Variants in ZCCHC7 observed in about 807,000 individuals in gnomAD.
ZCCHC7 encodes the protein zinc finger CCHC domain-containing protein 7.
In ZCCHC7, 35 loss-of-function variants were observed where a neutral mutation model predicts 52.0. The ratio of observed to expected loss-of-function variants is 0.67; its 90% CI spans 0.51 to 0.89. ZCCHC7 has a LOEUF of 0.89. Ranked by LOEUF, ZCCHC7 falls within the 40% of genes least tolerant of loss-of-function variation. The pLI, the probability that ZCCHC7 is intolerant of heterozygous loss-of-function variation, is 0.00. For synonymous variants in ZCCHC7, 217 were observed against 221.5 expected (o/e 0.98, Z 0.18); for missense variants, 574 against 649.1 (o/e 0.88, Z 1.26).
intron 2 of ZCCHC7, among the ~76,000 whole-genome samples, chr9:37,229,549 C>G (rs1349634819): frequency 6.6e-6 from 1 of 151,982 alleles, no homozygotes; most frequent in Non-Finnish European, 1.5e-5. Flanking sequence ...ATTTGTGTAT[C>G]TAAACATAGA....
At chr9:37,261,334 A>G (rs1025189385) in intron 2 of ZCCHC7, among the ~76,000 whole-genome samples, 2 of 152,216 alleles carry the variant, frequency 1.3e-5, no homozygotes, top group African/African-American at 4.8e-5. Flanking sequence ...AAAGACGTCA[A>G]AGTCAACACA....
At chr9:37,270,590 G>A (rs1827356010) in intron 2 of ZCCHC7, among the ~76,000 whole-genome samples, 1 of 151,704 alleles carries the variant, frequency 6.6e-6, no homozygotes, top group South Asian at 2.1e-4. Flanking sequence ...GCTGAGGCAG[G>A]AGAATCGCTT....
intron 2 of ZCCHC7, among the ~76,000 whole-genome samples, chr9:37,174,258 G>A (rs1821895919): frequency 1.3e-5 from 2 of 152,102 alleles, no homozygotes; most frequent in South Asian, 4.1e-4. Flanking sequence ...GCGGTGAGCT[G>A]AGATCACACC....
chr9:37,263,158 T>C (rs627183), intron 2 of ZCCHC7, among the ~76,000 whole-genome samples: 173 of 152,278 alleles, frequency 1.1e-3, no homozygotes, highest in African/African-American at 3.6e-3. Flanking sequence ...TCCTATTTCT[T>C]ATAAGCCCAT....
chr9:37,136,606 G>C (rs563145391), intron 2 of ZCCHC7, among the ~76,000 whole-genome samples: 1 of 152,118 alleles, frequency 6.6e-6, no homozygotes, highest in South Asian at 2.1e-4. Flanking sequence ...TGCAGATGTG[G>C]GCCACCATGC....
chr9:37,296,414 T>G (rs1220175584), intron 2 of ZCCHC7, among the ~76,000 whole-genome samples: 1 of 152,234 alleles, frequency 6.6e-6, no homozygotes, highest in Non-Finnish European at 1.5e-5. Context: ...TTTCTACTTT[T>G]CCTTTTTTCT....
At chr9:37,170,824 C>T (rs1414539641) in intron 2 of ZCCHC7, among the ~76,000 whole-genome samples, 1 of 152,142 alleles carries the variant, frequency 6.6e-6, no homozygotes, top group African/African-American at 2.4e-5. Context: ...TCAGTAATAG[C>T]ACCTTTCTTA....
intron 2 of ZCCHC7, among the ~76,000 whole-genome samples, chr9:37,241,380 T>G (rs1234555245): frequency 1.3e-5 from 2 of 151,866 alleles, no homozygotes; most frequent in African/African-American, 4.8e-5. Context: ...TAGTGGAATT[T>G]TATACATTTT....
intron 2 of ZCCHC7, among the ~76,000 whole-genome samples, chr9:37,176,625 A>G (rs1822046480): frequency 6.6e-6 from 1 of 151,892 alleles, no homozygotes; most frequent in South Asian, 2.1e-4. Context: ...AAATATATGC[A>G]TAACTGAATT....
intron 2 of ZCCHC7, among the ~76,000 whole-genome samples, chr9:37,229,461 C>A (rs1825291529): frequency 6.6e-6 from 1 of 152,080 alleles, no homozygotes; most frequent in South Asian, 2.1e-4. Context: ...ATATGATATC[C>A]TATTGCTCCT....
At chr9:37,273,755 A>G (rs1252062837) in intron 2 of ZCCHC7, among the ~76,000 whole-genome samples, 1 of 152,182 alleles carries the variant, frequency 6.6e-6, no homozygotes, top group Non-Finnish European at 1.5e-5. Context: ...ACACAGTTTC[A>G]AATGTTTATT....
chr9:37,312,285 A>G (rs542042470), intron 5 of ZCCHC7, among the ~76,000 whole-genome samples: 1 of 152,372 alleles, frequency 6.6e-6, no homozygotes, highest in South Asian at 2.1e-4. Flanking sequence ...TAAACTTTCT[A>G]CATTTGTTCA....
chr9:37,134,290 T>G (rs2132729302), intron 2 of ZCCHC7, among the ~76,000 whole-genome samples: 1 of 152,298 alleles, frequency 6.6e-6, no homozygotes. Context: ...ACCTAGATTC[T>G]TTGTCTTCTA....
At chr9:37,337,205 T>G (rs560809815) in intron 6 of ZCCHC7, among the ~76,000 whole-genome samples, 1 of 152,128 alleles carries the variant, frequency 6.6e-6, no homozygotes, top group African/African-American at 2.4e-5. Flanking sequence ...AAAACAGCAC[T>G]AAAGAGTTTA....
chr9:37,294,952 G>C (rs184540870), intron 2 of ZCCHC7, among the ~76,000 whole-genome samples: 8 of 152,290 alleles, frequency 5.3e-5, no homozygotes, highest in Admixed American at 5.2e-4. Flanking sequence ...TCTACTACTA[G>C]AGGGAATTCA....
At chr9:37,293,762 C>T (rs1801854264) in intron 2 of ZCCHC7, among the ~76,000 whole-genome samples, 2 of 152,034 alleles carry the variant, frequency 1.3e-5, no homozygotes, top group South Asian at 2.1e-4. Flanking sequence ...ACTGACTGAA[C>T]GTTTGGGACA....
chr9:37,333,148 A>T (rs1454189472), intron 6 of ZCCHC7, among the ~76,000 whole-genome samples: 1 of 151,722 alleles, frequency 6.6e-6, no homozygotes, highest in Admixed American at 6.6e-5. Context: ...AATATCAAGT[A>T]CTTTATGATG....
intron 2 of ZCCHC7, among the ~76,000 whole-genome samples, chr9:37,163,404 AG>A (rs149893520): frequency 1.9e-4 from 28 of 148,050 alleles, no homozygotes; most frequent in Admixed American, 4.0e-4. Context: ...AAAAAAAAAA[AG>A]AAAAGAAAAA....
chr9:37,238,756 G>A (rs1411396966), intron 2 of ZCCHC7, among the ~76,000 whole-genome samples: 1 of 151,958 alleles, frequency 6.6e-6, no homozygotes, highest in Non-Finnish European at 1.5e-5. Context: ...TTGCCCCACC[G>A]CAGACTTGGC....
Sources: allele counts gnomAD v4.1 joint callset (sites outside exome capture counted in the v4.1 genomes callset), GRCh38; gene constraint gnomAD v4.1.1; transcripts MANE v1.5; gene names NCBI Gene and HGNC (gene_info 2026-07-23, HGNC 2026-07-21).